Variants in DCHS2 observed in about 807,000 individuals in gnomAD.
DCHS2 encodes dachsous cadherin-related 2.
Under a neutral mutation model 182.4 loss-of-function variants are expected in DCHS2, and 142 were observed. That is an observed-to-expected ratio of 0.78 (90% CI 0.68 to 0.89). The LOEUF (loss-of-function observed/expected upper bound fraction) is 0.89, where lower values mean the gene tolerates loss of function less well. DCHS2 is among the 40% of genes least tolerant of loss of function. DCHS2 has a pLI of 0.00. For synonymous variants in DCHS2, 1,740 were observed against 1,663.3 expected (o/e 1.05, Z -1.12); for missense variants, 4,319 against 4,198.6 (o/e 1.03, Z -0.79).
At chr4:154,395,325 C>T (rs929326244) in intron 1 of DCHS2, among the ~76,000 whole-genome samples, 1 of 152,204 alleles carries the variant, frequency 6.6e-6, no homozygotes, top group Non-Finnish European at 1.5e-5. Flanking sequence ...TAGCATGCAG[C>T]TACAGGTGTG....
chr4:154,343,900 T>C (rs1293902344), intron 3 of DCHS2, among the ~76,000 whole-genome samples: 1 of 152,226 alleles, frequency 6.6e-6, no homozygotes, highest in Non-Finnish European at 1.5e-5. Context: ...CATGCCTTCG[T>C]CACTATGCTT....
chr4:154,262,289 G>A (rs536351893), intron 14 of DCHS2: 7 of 152,254 alleles, frequency 4.6e-5, no homozygotes, highest in South Asian at 2.1e-4. Context: ...TGTGAAAGTC[G>A]TGCAAGTAGA....
chr4:154,438,141 C>T (rs973523812), intron 1 of DCHS2, among the ~76,000 whole-genome samples: 7 of 152,194 alleles, frequency 4.6e-5, no homozygotes, highest in African/African-American at 1.7e-4. Flanking sequence ...ATCATCTTGC[C>T]AGGTAAACCT....
At chr4:154,327,665 C>T (rs992566164) in intron 7 of DCHS2, among the ~76,000 whole-genome samples, 3 of 152,108 alleles carry the variant, frequency 2.0e-5, no homozygotes, top group Non-Finnish European at 4.4e-5. Flanking sequence ...CGCATGTATA[C>T]ATGTGACATT....
At chr4:154,394,660 T>C (rs1448655103) in intron 1 of DCHS2, among the ~76,000 whole-genome samples, 1 of 152,216 alleles carries the variant, frequency 6.6e-6, no homozygotes, top group Non-Finnish European at 1.5e-5. Flanking sequence ...TCTCTGACCA[T>C]GCTTGATGCA....
chr4:154,257,844 C>T (rs879805337), intron 15 of DCHS2, among the ~76,000 whole-genome samples: 1 of 152,250 alleles, frequency 6.6e-6, no homozygotes, highest in Non-Finnish European at 1.5e-5. Flanking sequence ...ACTCAGCCTT[C>T]TACAAGTCTG....
intron 16 of DCHS2, among the ~76,000 whole-genome samples, chr4:154,248,666 A>G (rs200181246): frequency 6.3e-5 from 1 of 15,916 alleles, no homozygotes; most frequent in African/African-American, 7.3e-5. Flanking sequence ...CGGAGGCACC[A>G]TATTACCTGA....
intron 1 of DCHS2, chr4:154,384,359 T>A: frequency 6.2e-7 from 1 of 1,611,832 alleles, no homozygotes; most frequent in Non-Finnish European, 8.5e-7. Context: ...ACCACCTGAC[T>A]GACCTCACCT....
At chr4:154,453,040 G>A (rs188107151) in intron 1 of DCHS2, among the ~76,000 whole-genome samples, 2 of 152,270 alleles carry the variant, frequency 1.3e-5, no homozygotes, top group East Asian at 1.9e-4. Context: ...AGCTCACAGC[G>A]AGGTGTAAGC....
chr4:154,235,364 A>G lies in DCHS2; in HGVS notation c.9288T>C (p.Ser3096=). 1 of 1,614,044 alleles carries G rather than the reference A, an allele frequency of 6.2e-7. No homozygotes were observed. Among genetic ancestry groups the G allele is most frequent in the South Asian group, 1.1e-5 (1 of 91,074 alleles). ...YRHSNSSGHC[S]VEGETAEDKE... is the part of the protein sequence containing the mutation. ...TATCTTCTGCAGTTTCTCCTTCCAC[A>G]GAACAGTGGCCACTGGAGTTTGAGT... Residue 3096 remains serine, a synonymous_variant, in exon 20 of 20, where the codon TCT becomes TCC. Transcript: ENST00000357232.
At chr4:154,286,133 G>T (rs1352820118) in intron 13 of DCHS2, among the ~76,000 whole-genome samples, 1 of 152,008 alleles carries the variant, frequency 6.6e-6, no homozygotes, top group Non-Finnish European at 1.5e-5. Context: ...TGGTGCCTCT[G>T]CATTAGGAAC....
chr4:154,439,490 T>C (rs1733911975), intron 1 of DCHS2, among the ~76,000 whole-genome samples: 1 of 152,198 alleles, frequency 6.6e-6, no homozygotes, highest in South Asian at 2.1e-4. Flanking sequence ...GATATTTATA[T>C]TTGCATTGGC....
chr4:154,376,452 A>AT (rs1051457987), intron 2 of DCHS2, among the ~76,000 whole-genome samples: 2 of 42,224 alleles, frequency 4.7e-5, no homozygotes, highest in Non-Finnish European at 1.1e-4. Context: ...GCAAGTTACT[A>AT]TTAAAAAAAA....
At chr4:154,273,285 A>C (rs1733682094) in intron 13 of DCHS2, among the ~76,000 whole-genome samples, 1 of 152,170 alleles carries the variant, frequency 6.6e-6, no homozygotes, top group African/African-American at 2.4e-5. Flanking sequence ...CATAAAGAGA[A>C]ATGAAATAAT....
intron 13 of DCHS2, among the ~76,000 whole-genome samples, chr4:154,288,650 A>G (rs2111254406): frequency 6.6e-6 from 1 of 152,294 alleles, no homozygotes; most frequent in South Asian, 2.1e-4. Context: ...GATCATTCTC[A>G]AGGACAGACC....
chr4:154,302,983 A>ATTTT (rs1181161750), intron 12 of DCHS2, among the ~76,000 whole-genome samples: 2 of 103,850 alleles, frequency 1.9e-5, no homozygotes, highest in Admixed American at 9.9e-5. Context: ...ACACACACAT[A>ATTTT]TTTTTTTTTT....
chr4:154,298,190 G>C lies in DCHS2; in HGVS notation c.6124C>G (p.Pro2042Ala). 2 of 1,614,048 alleles carry C rather than the reference G, an allele frequency of 1.2e-6. No homozygotes were observed. Among genetic ancestry groups the C allele is most frequent in the Non-Finnish European group, 1.7e-6 (2 of 1,179,992 alleles). ...TCGGGGGAAAGAAACACATCAAAAG[G>C]GTTCTGTTCCAAAACTGGATCATTG... ...NDNDPVLEQN[P>A]FDVFLSPESP... The change falls in exon 13 of 20, where the codon CCT (proline) becomes GCT (alanine). Residue 2042 changes from proline to alanine, a missense_variant. Transcript: ENST00000357232.
intron 5 of DCHS2, 112 bp from the exon 6 acceptor site, chr4:154,329,822 T>G (rs1482032774): frequency 2.2e-6 from 2 of 911,496 alleles, no homozygotes; most frequent in Non-Finnish European, 1.6e-6. Flanking sequence ...ATATGCGACT[T>G]CTAAGACCAT....
intron 1 of DCHS2, among the ~76,000 whole-genome samples, chr4:154,385,117 C>A (rs1432039159): frequency 7.1e-6 from 1 of 140,744 alleles, no homozygotes; most frequent in South Asian, 2.4e-4. Flanking sequence ...ATGTTCCCCT[C>A]CTGTGTCCAT....
Sources: allele counts gnomAD v4.1 joint callset (sites outside exome capture counted in the v4.1 genomes callset), GRCh38; gene constraint gnomAD v4.1.1; transcripts MANE v1.5; gene names NCBI Gene and HGNC (gene_info 2026-07-23, HGNC 2026-07-21).